The following RANBP2 variants were observed in gnomAD, a reference collection of about 807,000 sequenced individuals.
RANBP2 encodes the protein RAN binding protein 2.
RANBP2 carries 57 observed loss-of-function variants against 303.6 expected under a neutral mutation model. The ratio of observed to expected loss-of-function variants is 0.19; its 90% CI spans 0.15 to 0.23. The LOEUF is 0.23. Ranked by LOEUF, RANBP2 falls within the 10% of genes least tolerant of loss-of-function variation. The pLI, the probability that RANBP2 is intolerant of heterozygous loss-of-function variation, is 1.00. For synonymous variants in RANBP2, 1,167 were observed against 1,301.5 expected, an observed-to-expected ratio of 0.90 and a Z score of 2.23; for missense variants, 3,138 against 3,780.8, an observed-to-expected ratio of 0.83 and a Z score of 4.46.
chr2:109,520,573 C>A, the RANBP2 span, among the ~76,000 whole-genome samples: 18 of 136,934 alleles, frequency 1.3e-4, no homozygotes, highest in African/African-American at 4.1e-4. Context: ...GTACTCCAGC[C>A]TGTGGACAGA....
chr2:108,838,304 ACAT>A, the RANBP2 span, among the ~76,000 whole-genome samples: 3 of 152,322 alleles, frequency 2.0e-5, no homozygotes, highest in East Asian at 1.9e-4. Context: ...GACGTCCAAA[ACAT>A]CATAATATAC....
At chr2:109,506,493 G>A in the RANBP2 span, among the ~76,000 whole-genome samples, 3 of 152,240 alleles carry the variant, frequency 2.0e-5, no homozygotes, top group Non-Finnish European at 2.9e-5. Context: ...ACTCCTGGAG[G>A]CCTCCCCTGG....
At chr2:109,543,253 G>A in the RANBP2 span, 2 of 152,342 alleles carry the variant, frequency 1.3e-5, no homozygotes, top group Non-Finnish European at 2.9e-5. Context: ...TTTTTACCCT[G>A]GAAGACAGAG....
At chr2:109,104,490 CTT>C in the RANBP2 span, among the ~76,000 whole-genome samples, 1 of 144,756 alleles carries the variant, frequency 6.9e-6, no homozygotes. Flanking sequence ...TTTTATGTTT[CTT>C]TTTTTTTTTG....
the RANBP2 span, among the ~76,000 whole-genome samples, chr2:109,535,005 A>G: frequency 6.6e-6 from 1 of 151,926 alleles, no homozygotes; most frequent in Non-Finnish European, 1.5e-5. Context: ...CTCTCAACTC[A>G]CTCAGCCTCT....
chr2:109,713,150 G>A, the RANBP2 span, among the ~76,000 whole-genome samples: 2 of 152,100 alleles, frequency 1.3e-5, no homozygotes, highest in African/African-American at 2.4e-5. Flanking sequence ...CATTCAGACC[G>A]CTTTTCCTCC....
chr2:109,546,681 TA>T, the RANBP2 span, among the ~76,000 whole-genome samples: 5 of 152,272 alleles, frequency 3.3e-5, no homozygotes, highest in South Asian at 1.0e-3. Context: ...ACTGTACTAG[TA>T]AACATCACTG....
At chr2:108,912,400 C>T in the RANBP2 span, among the ~76,000 whole-genome samples, 3,775 of 152,312 alleles carry the variant, frequency 0.025, 172 homozygotes, top group African/African-American at 0.087. Context: ...CCTGGCCGGG[C>T]TTGCAGCTGC....
At chr2:108,899,957 A>T in the RANBP2 span, among the ~76,000 whole-genome samples, 4 of 152,086 alleles carry the variant, frequency 2.6e-5, no homozygotes, top group East Asian at 7.8e-4. Flanking sequence ...CTGCTCTCCA[A>T]CCTGGGTGGC....
chr2:109,347,354 A>G, the RANBP2 span, among the ~76,000 whole-genome samples: 1 of 152,060 alleles, frequency 6.6e-6, no homozygotes, highest in South Asian at 2.1e-4. Flanking sequence ...CAGTGTCCCC[A>G]TCTGTAAATG....
At chr2:109,449,136 T>C in the RANBP2 span, 1 of 1,600,502 alleles carries the variant, frequency 6.2e-7, no homozygotes, top group Non-Finnish European at 8.5e-7. Flanking sequence ...CAAACTAACC[T>C]TTCAACCTGC....
At chr2:109,312,980 T>G in the RANBP2 span, among the ~76,000 whole-genome samples, 2 of 152,194 alleles carry the variant, frequency 1.3e-5, no homozygotes, top group South Asian at 4.1e-4. Flanking sequence ...TTCACTTTTA[T>G]CTACAGTAAT....
the RANBP2 span, among the ~76,000 whole-genome samples, chr2:109,019,946 A>G: frequency 1.3e-5 from 2 of 152,204 alleles, no homozygotes; most frequent in Non-Finnish European, 2.9e-5. Flanking sequence ...ATTCCCAGGA[A>G]CAGAGCTCTC....
At chr2:108,723,745 G>A (rs1694472528) in intron 1 of RANBP2, among the ~76,000 whole-genome samples, 2 of 152,074 alleles carry the variant, frequency 1.3e-5, no homozygotes, top group African/African-American at 4.8e-5. Flanking sequence ...CCCTTGTTGT[G>A]CGGTTTTGTT....
the RANBP2 span, among the ~76,000 whole-genome samples, chr2:109,481,842 G>T: frequency 6.6e-6 from 1 of 152,080 alleles, no homozygotes; most frequent in South Asian, 2.1e-4. Context: ...CAAGGTGCCT[G>T]CCCAGGTCAC....
chr2:109,057,101 T>C, the RANBP2 span, among the ~76,000 whole-genome samples: 1 of 152,168 alleles, frequency 6.6e-6, no homozygotes, highest in Non-Finnish European at 1.5e-5. Context: ...ATACCTAGGG[T>C]TTCTGGGGTT....
chr2:109,444,858 G>A, the RANBP2 span, among the ~76,000 whole-genome samples: 90 of 152,200 alleles, frequency 5.9e-4, no homozygotes, highest in South Asian at 3.5e-3. Flanking sequence ...GGAAAATAAG[G>A]GAGAAATCTG....
At chr2:108,960,749 C>T in the RANBP2 span, among the ~76,000 whole-genome samples, 43,553 of 152,016 alleles carry the variant, frequency 0.29, 11,823 homozygotes, top group East Asian at 0.94. Flanking sequence ...TTTCCTTTTA[C>T]TATGTATAGA....
At chr2:108,830,965 A>C in the RANBP2 span, among the ~76,000 whole-genome samples, 1 of 152,206 alleles carries the variant, frequency 6.6e-6, no homozygotes, top group Non-Finnish European at 1.5e-5. Context: ...ACTTGAGGCC[A>C]GGAGTTCAAG....
Sources: gnomAD v4.1 joint callset for allele counts (sites outside exome capture counted in the v4.1 genomes callset) on GRCh38, gnomAD v4.1.1 for gene constraint, MANE v1.5 for transcripts, NCBI Gene and HGNC (gene_info 2026-07-23, HGNC 2026-07-21) for gene names.